Variants in EZH2 observed in about 807,000 individuals in gnomAD.
EZH2 encodes the protein enhancer of zeste 2 polycomb repressive complex 2 subunit.
EZH2 carries 18 observed loss-of-function variants against 98.4 expected under a neutral mutation model. The observed-to-expected ratio is 0.18, with a 90% CI of 0.13 to 0.27. The LOEUF (loss-of-function observed/expected upper bound fraction) is 0.27. Among genes scored for constraint, EZH2 ranks in the 10% least tolerant of loss-of-function variants. The probability of loss-of-function intolerance (pLI) is 1.00; values close to 1 mark genes in which losing one functional copy is unlikely to be tolerated. For missense variants in EZH2, 470 were observed against 935.1 expected (o/e 0.50, Z 6.49); for synonymous variants, 338 against 312.3 (o/e 1.08, Z -0.87).
intron 1 of EZH2, among the ~76,000 whole-genome samples, chr7:148,860,434 T>A (rs945138346): frequency 1.3e-5 from 2 of 152,144 alleles, no homozygotes; most frequent in Admixed American, 6.5e-5. Context: ...AAAAGACAAC[T>A]GAGCCCTAAA....
At position 148,828,858 on chromosome 7, in the gene EZH2, T is replaced by C; in HGVS notation, c.507A>G (p.Glu169=). 1 of 1,612,276 alleles carries C rather than the reference T, an allele frequency of 6.2e-7. No individual in the cohort carries two copies. Among genetic ancestry groups the C allele is most frequent in the Non-Finnish European group, 8.5e-7 (1 of 1,179,196 alleles). The change falls in exon 6 of 20, where the codon GAA becomes GAG. Residue 169 remains glutamate (E), a synonymous_variant. Transcript: ENST00000320356. ...GGGCATTCACCAACTCCACAAAAATTTCATCATTTATAAACCCACATTCTG... is the reference window on the plus strand; with the variant it reads ...GGGCATTCACCAACTCCACAAAAATCTCATCATTTATAAACCCACATTCTG... The part of the protein sequence containing the change: ...GDRECGFIND[E]IFVELVNALG...
intron 1 of EZH2, among the ~76,000 whole-genome samples, chr7:148,870,932 GAA>G (rs879933799): frequency 8.8e-5 from 7 of 79,134 alleles, no homozygotes; most frequent in Admixed American, 1.3e-4. Context: ...TTGTCTCAAA[GAA>G]AAAAAAAAAA....
At chr7:148,846,874 G>A (rs1206007760) in intron 2 of EZH2, among the ~76,000 whole-genome samples, 3 of 117,802 alleles carry the variant, frequency 2.5e-5, no homozygotes, top group Non-Finnish European at 3.5e-5. Context: ...GTGTGTGTGT[G>A]TGTGTGTGTA....
chr7:148,860,072 T>C (rs909498487), intron 1 of EZH2, among the ~76,000 whole-genome samples: 2 of 152,274 alleles, frequency 1.3e-5, no homozygotes, highest in African/African-American at 4.8e-5. Context: ...TAACATTGAC[T>C]ATTTGGTTTT....
In EZH2 at chr7:148,830,508, AT is replaced by A. The variant is rs1418202112; in HGVS notation, c.364-661del. 3.9e-5 allele frequency among the ~76,000 whole-genome samples: 6 copies of A among 152,372 alleles called. No individual in the cohort carries two copies. The South Asian group carries it at 6.2e-4, about 16-fold the overall frequency. The stretch of plus-strand genomic sequence containing the variant: ...TAGTTTAAGGTAAAATGAAAAAAAA[AT>A]GTAAGACATCCAATATAATAAAATT... On this transcript the variant is annotated intron_variant, in intron 4 of 19. Transcript: ENST00000320356.
Position 148,829,640 on chromosome 7 carries a change from A to T in EZH2, c.484+88T>A, listed in dbSNP as rs112090673. 3,086 of 1,430,224 alleles carry T rather than the reference A, an allele frequency of 2.2e-3. 46 individuals are homozygous for T. In the African/African-American group the frequency reaches 0.038, roughly 18 times the overall value. The allele number at this position is 1,430,224 out of a possible 1,614,324, so 88.6% of individuals were successfully genotyped here. ...TGCAAAACTTAATTTTAATATTAAA[A>T]TTTTTCTCATGCCCTATATGCTTCA... is the stretch of plus-strand genomic sequence containing the variant. On this transcript the variant is annotated intron_variant, in intron 5 of 19. Transcript: ENST00000320356.
chr7:148,818,166 T>C (rs750816144), intron 9 of EZH2, 49 bp from the exon 10 acceptor site: 1 of 1,505,196 alleles, frequency 6.6e-7, no homozygotes, highest in South Asian at 1.4e-5. Context: ...AAAACTCATT[T>C]TGATGGAAGA....
At chr7:148,811,361 T>C (rs958135691) in intron 16 of EZH2, among the ~76,000 whole-genome samples, 1 of 152,108 alleles carries the variant, frequency 6.6e-6, no homozygotes, top group Non-Finnish European at 1.5e-5. Context: ...ATGTTGCCCA[T>C]GCTGGTCTCC....
intron 1 of EZH2, among the ~76,000 whole-genome samples, chr7:148,847,557 C>CCATATTATATTCCTGTA (rs1814475346): frequency 6.6e-6 from 1 of 152,192 alleles, no homozygotes; most frequent in Non-Finnish European, 1.5e-5. Flanking sequence ...ATTATAGGAA[C>CCATATTATATTCCTGTA]ATGATCCCAT....
intron 1 of EZH2, among the ~76,000 whole-genome samples, chr7:148,851,932 T>C (rs1446948706): frequency 6.6e-6 from 1 of 152,246 alleles, no homozygotes; most frequent in Non-Finnish European, 1.5e-5. Context: ...AGCCTTTATT[T>C]AAACGACTTC....
At chr7:148,857,799 A>G (rs985617111) in intron 1 of EZH2, among the ~76,000 whole-genome samples, 1 of 152,018 alleles carries the variant, frequency 6.6e-6, no homozygotes, top group Non-Finnish European at 1.5e-5. Context: ...TTACTCCAAA[A>G]TAAAGTTATT....
intron 10 of EZH2, 21 bp from the exon 11 acceptor site, chr7:148,817,412 A>G: frequency 6.2e-7 from 1 of 1,608,732 alleles, no homozygotes; most frequent in Non-Finnish European, 8.5e-7. Context: ...AAATGTAAGC[A>G]CTGGTCAAGA....
At chr7:148,860,262 T>C (rs895152188) in intron 1 of EZH2, among the ~76,000 whole-genome samples, 2 of 149,006 alleles carry the variant, frequency 1.3e-5, no homozygotes, top group South Asian at 2.1e-4. Flanking sequence ...AGAAAAAAAA[T>C]GGAGAACTGA....
In EZH2 at chr7:148,817,526, G is replaced by A. The variant is rs17551792; in HGVS notation, c.1241-135C>T. On this transcript the variant is annotated intron_variant, in intron 10 of 19. Coordinates refer to ENST00000320356, the MANE Select transcript of EZH2 (RefSeq NM_004456.5). ...CCAATCGGCAAAACACTAACCCATC[G>A]TAGTTCACATTTTCCAACAAAACTA... is the stretch of plus-strand genomic sequence containing the variant. The A allele has an allele frequency of 0.049, 40,758 of 829,608 alleles. 1,318 individuals are homozygous for A. Among genetic ancestry groups the A allele is most frequent in the Admixed American group, 0.12 (4,143 of 33,896 alleles). 51.4% of individuals were successfully genotyped at this position (829,608 alleles called of 1,614,324 possible). A position where few individuals can be genotyped will look rare whatever the true frequency, so the allele number is the denominator to read the frequency against.
At chr7:148,818,191 ATATAAGCCAGGT>A (rs1805098023) in intron 9 of EZH2, 74 bp from the exon 10 acceptor site, 1 of 1,458,836 alleles carries the variant, frequency 6.9e-7, no homozygotes. Context: ...AAAAAATACT[ATATAAGCCAGGT>A]TAGTCAAAAA....
intron 1 of EZH2, among the ~76,000 whole-genome samples, chr7:148,850,113 G>A (rs777731776): frequency 1.3e-5 from 2 of 152,054 alleles, no homozygotes; most frequent in Non-Finnish European, 2.9e-5. Context: ...CTGCCTCCCG[G>A]GTTCACGCCA....
intron 8 of EZH2, among the ~76,000 whole-genome samples, chr7:148,820,218 G>A (rs2129472634): frequency 6.6e-6 from 1 of 152,264 alleles, no homozygotes; most frequent in East Asian, 1.9e-4. Context: ...AGAGCTTATA[G>A]TGTCTTGCCA....
chr7:148,833,494 A>T (rs1042591195), intron 3 of EZH2, among the ~76,000 whole-genome samples: 6 of 151,942 alleles, frequency 3.9e-5, no homozygotes, highest in Admixed American at 2.6e-4. Flanking sequence ...AATAAAAAGA[A>T]TAAGAAAACT....
intron 8 of EZH2, among the ~76,000 whole-genome samples, chr7:148,825,823 G>T (rs1807535045): frequency 6.6e-6 from 1 of 152,128 alleles, no homozygotes; most frequent in Admixed American, 6.5e-5. Context: ...TTCAAAATAT[G>T]TGCCTCAAAA....
Sources: gnomAD v4.1 joint callset for allele counts (sites outside exome capture counted in the v4.1 genomes callset) on GRCh38, gnomAD v4.1.1 for gene constraint, MANE v1.5 for transcripts, NCBI Gene and HGNC (gene_info 2026-07-23, HGNC 2026-07-21) for gene names.